The following SAMD8 variants were observed in gnomAD, a reference collection of about 807,000 sequenced individuals.
The protein encoded by SAMD8 is sterile alpha motif domain containing 8.
A neutral mutation model predicts 42.0 loss-of-function variants in SAMD8; 20 were observed. The observed-to-expected ratio is 0.48, with a 90% CI of 0.34 to 0.69. The LOEUF (loss-of-function observed/expected upper bound fraction) is 0.69, where lower values mean the gene tolerates loss of function less well. Among genes scored for constraint, SAMD8 ranks in the 30% least tolerant of loss-of-function variants. The pLI is 0.01. For synonymous variants in SAMD8, 162 were observed against 173.0 expected (o/e 0.94, Z 0.50); for missense variants, 328 against 511.6 (o/e 0.64, Z 3.46).
At chr10:75,173,104 C>G (rs1175623354) in intron 4 of SAMD8, among the ~76,000 whole-genome samples, 1 of 152,148 alleles carries the variant, frequency 6.6e-6, no homozygotes, top group Non-Finnish European at 1.5e-5. Context: ...ATGGTATAAA[C>G]AGCCCTTTTT....
Position 75,151,098 on chromosome 10 carries a change from C to G in SAMD8, c.570C>G (p.Phe190Leu). The G allele has an allele frequency of 6.7e-7, 1 of 1,485,462 alleles. No individual in the cohort carries two copies. Among genetic ancestry groups the G allele is most frequent in the Non-Finnish European group, 9.0e-7 (1 of 1,117,034 alleles). The allele number at this position is 1,485,462 out of a possible 1,614,324, so 92.0% of individuals were successfully genotyped here. Residue 190 changes from phenylalanine (F) to leucine (L), a missense_variant, in exon 2 of 6, where the codon TTC becomes TTG. Phe to Leu is a conservative substitution (Grantham distance 22). Transcript: ENST00000542569. ...MQTYPPLPDI[F>L]LDSVPRIPWA... Reference sequence around the variant, plus strand: ...CCTATCCACCACTCCCAGATATATTCTTAGACAGGTAAGTTTTGTTTCTAG... The same window carrying G: ...CCTATCCACCACTCCCAGATATATTGTTAGACAGGTAAGTTTTGTTTCTAG...
chr10:75,109,069 GC>G, upstream of SAMD8: 1 of 1,612,272 alleles, frequency 6.2e-7, no homozygotes, highest in Non-Finnish European at 8.5e-7. Context: ...AGACTTCCCT[GC>G]CCGCAGGAGC....
intron 1 of SAMD8, among the ~76,000 whole-genome samples, chr10:75,145,484 T>G (rs911855646): frequency 6.6e-6 from 1 of 152,140 alleles, no homozygotes; most frequent in Non-Finnish European, 1.5e-5. Flanking sequence ...TCTAGATACT[T>G]TGGTATTTCT....
In SAMD8 at chr10:75,168,018, C is replaced by T. The variant is rs532567422; in HGVS notation, c.675-523C>T. Among the ~76,000 whole-genome samples, 19 of 151,776 alleles carry T rather than the reference C, an allele frequency of 1.3e-4. No homozygotes were observed. In the South Asian group the frequency reaches 2.1e-3, roughly 17 times the overall value. On this transcript the variant is annotated intron_variant, in intron 3 of 5. Transcript: ENST00000542569. ...AGCCATATTTTCTTTTTTTTTGAGA[C>T]GGAGTTTCACTATTGTTGCCCAGGC...
At chr10:75,146,467 G>T (rs2134471630) in intron 1 of SAMD8, among the ~76,000 whole-genome samples, 1 of 151,812 alleles carries the variant, frequency 6.6e-6, no homozygotes, top group African/African-American at 2.4e-5. Context: ...TGTATTTTTG[G>T]TAGAGACAGG....
At chr10:75,133,286 C>T (rs1472604703) in intron 1 of SAMD8, among the ~76,000 whole-genome samples, 1 of 152,008 alleles carries the variant, frequency 6.6e-6, no homozygotes, top group African/African-American at 2.4e-5. Context: ...GCCTATAGCC[C>T]CAGCTACTTG....
At chr10:75,160,427 C>T (rs922309783) in intron 2 of SAMD8, among the ~76,000 whole-genome samples, 3 of 151,298 alleles carry the variant, frequency 2.0e-5, no homozygotes, top group Admixed American at 6.6e-5. Flanking sequence ...AGGATGATCT[C>T]GATCTCCTGT....
chr10:75,147,270 G>T (rs1840160264), intron 1 of SAMD8, among the ~76,000 whole-genome samples: 2 of 152,160 alleles, frequency 1.3e-5, no homozygotes, highest in Admixed American at 1.3e-4. Context: ...AGAGAAAGGG[G>T]AATGTTAACA....
intron 1 of SAMD8, among the ~76,000 whole-genome samples, chr10:75,129,874 G>A (rs1589943527): frequency 6.6e-6 from 1 of 152,250 alleles, no homozygotes; most frequent in East Asian, 1.9e-4. Context: ...CCCTGAACTT[G>A]TCTCCCCCTA....
intron 2 of SAMD8, among the ~76,000 whole-genome samples, chr10:75,159,626 T>C (rs567882150): frequency 1.3e-5 from 2 of 152,296 alleles, no homozygotes; most frequent in African/African-American, 4.8e-5. Flanking sequence ...CAAAAAATAC[T>C]TGGAAATTTA....
At chr10:75,139,117 C>A (rs868701598) in intron 1 of SAMD8, among the ~76,000 whole-genome samples, 1 of 151,816 alleles carries the variant, frequency 6.6e-6, no homozygotes, top group Non-Finnish European at 1.5e-5. Context: ...TGCACCACCA[C>A]GCCCGATTAA....
At chr10:75,142,552 T>C (rs1476551398) in intron 1 of SAMD8, among the ~76,000 whole-genome samples, 1 of 152,152 alleles carries the variant, frequency 6.6e-6, no homozygotes, top group Non-Finnish European at 1.5e-5. Context: ...TTCTTCTGCC[T>C]CAGCCTCCTG....
At chr10:75,108,798 C>T, upstream of SAMD8, among the ~76,000 whole-genome samples, 1 of 152,176 alleles carries the variant, frequency 6.6e-6, no homozygotes, top group East Asian at 1.9e-4. Context: ...TCCCTGCTTT[C>T]AGGCAGGCGA....
intron 1 of SAMD8, among the ~76,000 whole-genome samples, chr10:75,142,326 A>G (rs1031011350): frequency 1.3e-5 from 2 of 152,002 alleles, no homozygotes; most frequent in Non-Finnish European, 2.9e-5. Context: ...TCTTGGTGGT[A>G]TTATTTTAGC....
chr10:75,177,322 C>G lies in SAMD8; in HGVS notation c.*630C>G, dbSNP rs1309219340. ...CTGGCTAGGATGCCATTGGTCTCCT[C>G]ATTAATGCAAATGTAGGGCTGGCAT... On this transcript the variant is annotated 3_prime_UTR_variant, in exon 6 of 6. Transcript: ENST00000542569. 6.6e-6 allele frequency: 1 copy of G among 152,140 alleles called. No individual in the cohort carries two copies. The highest frequency in any genetic ancestry group is 1.5e-5 in the Non-Finnish European group (1 of 68,042). 9.4% of individuals were successfully genotyped at this position (152,140 alleles called of 1,614,324 possible). A position where few individuals can be genotyped will look rare whatever the true frequency, so the allele number is the denominator to read the frequency against.
At chr10:75,135,699 G>A (rs1420557977) in intron 1 of SAMD8, among the ~76,000 whole-genome samples, 4 of 151,568 alleles carry the variant, frequency 2.6e-5, no homozygotes, top group East Asian at 1.9e-4. Context: ...GGTGGTGGGC[G>A]CCTGTAGTCC....
chr10:75,099,896 C>G (rs980895191), intron 1 of SAMD8, among the ~76,000 whole-genome samples: 2 of 152,038 alleles, frequency 1.3e-5, no homozygotes, highest in African/African-American at 2.4e-5. Context: ...GGGTCTGACC[C>G]GAGAATGAGA....
intron 4 of SAMD8, among the ~76,000 whole-genome samples, chr10:75,171,170 T>C (rs1261313572): frequency 1.6e-5 from 2 of 122,836 alleles, no homozygotes; most frequent in Admixed American, 7.8e-5. Context: ...CTTTTTTTTT[T>C]TTTTTTTTTT....
intron 1 of SAMD8, among the ~76,000 whole-genome samples, chr10:75,120,463 G>A (rs966787391): frequency 5.3e-5 from 8 of 151,928 alleles, no homozygotes; most frequent in African/African-American, 1.7e-4. Flanking sequence ...TAGAGATGGG[G>A]TTTCACCGTG....
Sources: allele counts gnomAD v4.1 joint callset (sites outside exome capture counted in the v4.1 genomes callset), GRCh38; gene constraint gnomAD v4.1.1; transcripts MANE v1.5; gene names NCBI Gene and HGNC (gene_info 2026-07-23, HGNC 2026-07-21).